The following SGCZ variants were observed in gnomAD, a reference collection of about 807,000 sequenced individuals.
The protein encoded by SGCZ is zeta-sarcoglycan.
Under a neutral mutation model 41.3 loss-of-function variants are expected in SGCZ, and 40 were observed. That is an observed-to-expected ratio of 0.97 (90% CI 0.75 to 1.26). SGCZ has a LOEUF of 1.26. SGCZ is among the 50% of genes most tolerant of loss of function. The pLI is 0.00. For missense variants in SGCZ, 552 were observed against 369.8 expected (o/e 1.49, Z -4.04); for synonymous variants, 206 against 137.5 (o/e 1.50, Z -3.49).
intron 3 of SGCZ, among the ~76,000 whole-genome samples, chr8:14,255,938 T>C (rs965637153): frequency 6.6e-6 from 1 of 152,102 alleles, no homozygotes; most frequent in African/African-American, 2.4e-5. Context: ...AAGGAACTAA[T>C]CAGAAACCAA....
At chr8:14,290,790 C>T (rs899589279) in intron 3 of SGCZ, among the ~76,000 whole-genome samples, 1 of 152,032 alleles carries the variant, frequency 6.6e-6, no homozygotes, top group Non-Finnish European at 1.5e-5. Context: ...GAGGTTCCCT[C>T]ATAAGCTACC....
chr8:15,003,149 G>GT (rs1477741776), intron 1 of SGCZ, among the ~76,000 whole-genome samples: 1 of 152,096 alleles, frequency 6.6e-6, no homozygotes. Context: ...GTATATTGTT[G>GT]TCTTGGGAGA....
chr8:14,093,362 A>G (rs904963781), intron 7 of SGCZ, among the ~76,000 whole-genome samples: 4 of 151,898 alleles, frequency 2.6e-5, no homozygotes, highest in Admixed American at 6.6e-5. Flanking sequence ...TGCTCAAAAC[A>G]CTCTGATGTC....
At chr8:14,137,254 A>C (rs2116915284) in intron 5 of SGCZ, among the ~76,000 whole-genome samples, 1 of 152,346 alleles carries the variant, frequency 6.6e-6, no homozygotes, top group South Asian at 2.1e-4. Context: ...AAATTTAAAA[A>C]ACCAGAGCAC....
At chr8:15,160,572 T>C (rs1039358946) in intron 1 of SGCZ, among the ~76,000 whole-genome samples, 1 of 152,182 alleles carries the variant, frequency 6.6e-6, no homozygotes, top group African/African-American at 2.4e-5. Flanking sequence ...GATTTATATA[T>C]TCAACATTTT....
At chr8:14,946,352 G>A (rs369675385) in intron 1 of SGCZ, among the ~76,000 whole-genome samples, 23 of 151,638 alleles carry the variant, frequency 1.5e-4, no homozygotes, top group South Asian at 8.4e-4. Flanking sequence ...TACTCCTCGC[G>A]CATCACAGAA....
chr8:14,596,704 A>T (rs1005218099), intron 1 of SGCZ, among the ~76,000 whole-genome samples: 2 of 152,112 alleles, frequency 1.3e-5, no homozygotes, highest in South Asian at 4.1e-4. Flanking sequence ...GAGCATTAGG[A>T]CAAATACCTA....
intron 1 of SGCZ, among the ~76,000 whole-genome samples, chr8:15,199,545 G>T (rs1007013218): frequency 6.6e-5 from 10 of 152,074 alleles, no homozygotes; most frequent in African/African-American, 2.4e-4. Flanking sequence ...TTAGCCAGGA[G>T]GGAAAGCATG....
chr8:14,756,617 A>G (rs796571725), intron 1 of SGCZ, among the ~76,000 whole-genome samples: 4 of 152,332 alleles, frequency 2.6e-5, no homozygotes, highest in African/African-American at 7.2e-5. Context: ...CTCCTCAAAC[A>G]TAACAGGCGT....
chr8:15,176,712 T>C (rs1289049407), intron 1 of SGCZ, among the ~76,000 whole-genome samples: 2 of 152,124 alleles, frequency 1.3e-5, no homozygotes, highest in Non-Finnish European at 2.9e-5. Flanking sequence ...CAAAAGAAAC[T>C]ATATGTTGGC....
At position 14,819,417 on chromosome 8, in the gene SGCZ, C is replaced by T. The variant is rs563414034; in HGVS notation, c.40-264491G>A. Among the ~76,000 whole-genome samples the T allele has an allele frequency of 5.9e-5, 9 of 152,232 alleles. No homozygotes were observed. In the South Asian group the frequency reaches 1.9e-3, roughly 32 times the overall value. On this transcript the variant is annotated intron_variant, in intron 1 of 7. Transcript: ENST00000382080. The stretch of plus-strand genomic sequence containing the variant: ...CTTTGTATATATCATCCCATTGTCT[C>T]CTAGCCTGCAAAATTGGCCTTATAG...
At chr8:14,459,285 G>A (rs1416472943) in intron 2 of SGCZ, among the ~76,000 whole-genome samples, 2 of 152,026 alleles carry the variant, frequency 1.3e-5, no homozygotes, top group Non-Finnish European at 2.9e-5. Context: ...GGGGATGGGG[G>A]AGGGATAGTA....
intron 1 of SGCZ, among the ~76,000 whole-genome samples, chr8:14,579,416 ACT>A (rs1028119101): frequency 2.0e-5 from 3 of 152,024 alleles, no homozygotes; most frequent in Non-Finnish European, 2.9e-5. Context: ...CCCTTAATAC[ACT>A]CTCTATCAAG....
intron 1 of SGCZ, among the ~76,000 whole-genome samples, chr8:14,750,410 C>A (rs17120210): frequency 0.047 from 7,149 of 152,060 alleles, 555 homozygotes; most frequent in African/African-American, 0.16. Flanking sequence ...TTTCACTTTG[C>A]AAGCATAGGA....
chr8:14,923,167 T>G (rs748638743), intron 1 of SGCZ, among the ~76,000 whole-genome samples: 18 of 152,062 alleles, frequency 1.2e-4, no homozygotes, highest in Non-Finnish European at 2.4e-4. Context: ...AACTTCAGAG[T>G]ACAGATTTGG....
chr8:14,851,368 C>CAAAAAAAAAAAAAAAAAA (rs369090223), intron 1 of SGCZ, among the ~76,000 whole-genome samples: 17 of 61,900 alleles, frequency 2.7e-4, no homozygotes, highest in African/African-American at 9.5e-4. Context: ...GACTCCATCT[C>CAAAAAAAAAAAAAAAAAA]AAAAAAAAAA....
intron 5 of SGCZ, among the ~76,000 whole-genome samples, chr8:14,151,849 G>A (rs1227727817): frequency 1.3e-5 from 2 of 151,898 alleles, no homozygotes; most frequent in African/African-American, 4.8e-5. Flanking sequence ...AGAAATAATG[G>A]AGGAAGAAAA....
At chr8:15,006,916 A>G (rs779173922) in intron 1 of SGCZ, among the ~76,000 whole-genome samples, 1 of 152,218 alleles carries the variant, frequency 6.6e-6, no homozygotes, top group African/African-American at 2.4e-5. Context: ...ACTTTTGTAT[A>G]TTGAAATATC....
chr8:15,141,439 T>C (rs1284950171), intron 1 of SGCZ, among the ~76,000 whole-genome samples: 2 of 152,244 alleles, frequency 1.3e-5, no homozygotes, highest in Non-Finnish European at 2.9e-5. Context: ...TAATTTATGT[T>C]TTAAAAAGAT....
Sources: allele counts gnomAD v4.1 joint callset (sites outside exome capture counted in the v4.1 genomes callset), GRCh38; gene constraint gnomAD v4.1.1; transcripts MANE v1.5; gene names NCBI Gene and HGNC (gene_info 2026-07-23, HGNC 2026-07-21).